Variants in SLC35F3 observed in about 807,000 individuals in gnomAD.
The protein encoded by SLC35F3 is putative thiamine transporter SLC35F3.
SLC35F3 carries 25 observed loss-of-function variants against 49.9 expected under a neutral mutation model. That is an observed-to-expected ratio of 0.50 (90% CI 0.37 to 0.70). SLC35F3 has a LOEUF of 0.70. Ranked by LOEUF, SLC35F3 falls within the 30% of genes least tolerant of loss-of-function variation. The probability of loss-of-function intolerance (pLI) is 0.00; values close to 1 mark genes in which losing one functional copy is unlikely to be tolerated. For missense variants in SLC35F3, 525 were observed against 639.8 expected (o/e 0.82, Z 1.94); for synonymous variants, 275 against 265.4 (o/e 1.04, Z -0.35).
intron 2 of SLC35F3, among the ~76,000 whole-genome samples, chr1:234,167,438 A>G (rs1458591): frequency 1 from 151,812 of 152,246 alleles, 75,693 homozygotes; most frequent in Middle Eastern, 1. Flanking sequence ...ACCACAAAGG[A>G]GCACTGGATC....
At chr1:234,095,502 C>G (rs755486353) in intron 2 of SLC35F3, among the ~76,000 whole-genome samples, 2 of 152,276 alleles carry the variant, frequency 1.3e-5, no homozygotes, top group East Asian at 1.9e-4. Context: ...GTGACTGGAG[C>G]CATGTTATTC....
At chr1:233,909,491 C>T (rs1018606876) in intron 2 of SLC35F3, among the ~76,000 whole-genome samples, 7 of 152,166 alleles carry the variant, frequency 4.6e-5, no homozygotes, top group African/African-American at 1.4e-4. Flanking sequence ...GAATATGCCT[C>T]TGTAGTGATT....
rs190403105 is a variant in SLC35F3 at position 233,999,215 on chromosome 1, G to A, written c.283+93457G>A. Reference sequence around the variant, plus strand: ...GAGGTCATCCCACGTTTTTTCCACCGCGTCCCAATTACCCACTGACTTAGA... The same window carrying A: ...GAGGTCATCCCACGTTTTTTCCACCACGTCCCAATTACCCACTGACTTAGA... On this transcript the variant is annotated intron_variant, in intron 2 of 7. Transcript: ENST00000366618. Among the ~76,000 whole-genome samples, 544 of 152,104 alleles carry A rather than the reference G, an allele frequency of 3.6e-3. 3 individuals carry two copies. Among genetic ancestry groups the A allele is most frequent in the Non-Finnish European group, 6.1e-3 (413 of 67,972 alleles).
chr1:234,250,278 A>C (rs534674200), intron 3 of SLC35F3, among the ~76,000 whole-genome samples: 2 of 152,352 alleles, frequency 1.3e-5, no homozygotes, highest in East Asian at 3.9e-4. Flanking sequence ...GAGGAGGCTA[A>C]ATGGAGTGGG....
chr1:234,184,877 C>T (rs902377659), intron 2 of SLC35F3, among the ~76,000 whole-genome samples: 1 of 152,180 alleles, frequency 6.6e-6, no homozygotes, highest in Admixed American at 6.5e-5. Flanking sequence ...TACCTGACAG[C>T]TTATTAGAAA....
chr1:234,241,660 G>A (rs530751710), intron 3 of SLC35F3, among the ~76,000 whole-genome samples: 13 of 151,548 alleles, frequency 8.6e-5, no homozygotes, highest in Non-Finnish European at 1.8e-4. Context: ...GCTTGAATCC[G>A]GAAGGTGGAG....
At chr1:233,924,399 C>G (rs1662121250) in intron 2 of SLC35F3, among the ~76,000 whole-genome samples, 1 of 152,184 alleles carries the variant, frequency 6.6e-6, no homozygotes. Context: ...AGGAATTTAT[C>G]AATTTCTTCT....
At chr1:234,247,699 T>TTTGATGGG (rs1667657515) in intron 3 of SLC35F3, among the ~76,000 whole-genome samples, 1 of 151,410 alleles carries the variant, frequency 6.6e-6, no homozygotes, top group African/African-American at 2.4e-5. Flanking sequence ...TGGTCCATTG[T>TTTGATGGG]TCAGTGGGTT....
chr1:234,099,564 C>T (rs1182812568), intron 2 of SLC35F3, among the ~76,000 whole-genome samples: 2 of 146,540 alleles, frequency 1.4e-5, no homozygotes, highest in Non-Finnish European at 1.5e-5. Context: ...GAGCTGAGAT[C>T]GCGCCACTGC....
chr1:234,167,240 C>T (rs937663078), intron 2 of SLC35F3, among the ~76,000 whole-genome samples: 10 of 152,226 alleles, frequency 6.6e-5, no homozygotes, highest in African/African-American at 2.4e-4. Context: ...TTTAGAGCCA[C>T]CTTTCTATGT....
At chr1:234,041,640 C>G (rs753568106) in intron 2 of SLC35F3, among the ~76,000 whole-genome samples, 2 of 152,134 alleles carry the variant, frequency 1.3e-5, no homozygotes, top group African/African-American at 2.4e-5. Flanking sequence ...ATTGTTCTTG[C>G]AAATACTCTT....
chr1:234,213,769 C>T (rs1375815936), intron 2 of SLC35F3: 2 of 152,214 alleles, frequency 1.3e-5, no homozygotes, highest in African/African-American at 2.4e-5. Context: ...CTCTTCAAGC[C>T]TTTGTTTTCT....
intron 2 of SLC35F3, among the ~76,000 whole-genome samples, chr1:234,126,442 C>T (rs1665648677): frequency 6.8e-6 from 1 of 146,352 alleles, no homozygotes; most frequent in African/African-American, 2.5e-5. Context: ...AGGATATCGA[C>T]ATTGATACAA....
At position 234,214,704 on chromosome 1, in the gene SLC35F3, G is replaced by C; in HGVS notation, c.284-16713G>C. 1 of 1,244,450 alleles carries C rather than the reference G, an allele frequency of 8.0e-7. No individual in the cohort carries two copies. Among genetic ancestry groups the C allele is most frequent in the Non-Finnish European group, 1.1e-6 (1 of 947,848 alleles). The allele number at this position is 1,244,450 out of a possible 1,614,324, so 77.1% of individuals were successfully genotyped here. A position where few individuals can be genotyped will look rare whatever the true frequency, so the allele number is the denominator to read the frequency against. On this transcript the variant is annotated intron_variant, in intron 2 of 7. Coordinates refer to ENST00000366618, the MANE Select transcript of SLC35F3 (RefSeq NM_173508.4). The surrounding 1 kb of genome is among the most constrained non-coding windows in gnomAD (Gnocchi z 8.0). ...TGCTCCCCCAGGACGCGGCTCCGCAGTGCAGAGCGCCGCCGCCTGCGTGGG... is the reference window on the plus strand; with the variant it reads ...TGCTCCCCCAGGACGCGGCTCCGCACTGCAGAGCGCCGCCGCCTGCGTGGG...
chr1:234,126,469 T>A (rs1416648991), intron 2 of SLC35F3, among the ~76,000 whole-genome samples: 1 of 70,408 alleles, frequency 1.4e-5, no homozygotes, highest in East Asian at 2.9e-4. Flanking sequence ...GATCTGCCCC[T>A]GTTTTACATG....
chr1:233,918,719 A>G (rs1336949719), intron 2 of SLC35F3, among the ~76,000 whole-genome samples: 2 of 151,836 alleles, frequency 1.3e-5, no homozygotes, highest in East Asian at 1.9e-4. Context: ...GTGAGCCAAG[A>G]TCATACCATG....
chr1:233,981,054 G>A (rs572186879), intron 2 of SLC35F3, among the ~76,000 whole-genome samples: 2 of 152,316 alleles, frequency 1.3e-5, no homozygotes, highest in South Asian at 2.1e-4. Context: ...AAAGATGGAT[G>A]GAAAGATACA....
chr1:234,167,524 T>G (rs12087814), intron 2 of SLC35F3, among the ~76,000 whole-genome samples: 177 of 152,324 alleles, frequency 1.2e-3, no homozygotes, highest in African/African-American at 3.9e-3. Flanking sequence ...TGATTTAACC[T>G]GGCTGGCAGC....
intron 2 of SLC35F3, among the ~76,000 whole-genome samples, chr1:233,911,451 A>G (rs1558175823): frequency 6.6e-6 from 1 of 152,210 alleles, no homozygotes; most frequent in Non-Finnish European, 1.5e-5. Context: ...GCATTAGAGC[A>G]CAGCATTTTT....
Sources: gnomAD v4.1 joint callset for allele counts (sites outside exome capture counted in the v4.1 genomes callset) on GRCh38, gnomAD v4.1.1 for gene constraint, Gnocchi (gnomAD v3.1) non-coding constraint, MANE v1.5 for transcripts, NCBI Gene and HGNC (gene_info 2026-07-23, HGNC 2026-07-21) for gene names.